ZNF487: variants seen among roughly 807,000 people sequenced by gnomAD.
ZNF487 encodes KRAB domain only 1.
Under a neutral mutation model 3.0 loss-of-function variants are expected in ZNF487, and 4 were observed. That is an observed-to-expected ratio of 1.35 (90% CI 0.66 to 3.08). The LOEUF (loss-of-function observed/expected upper bound fraction) is 3.08. Ranked by LOEUF, ZNF487 falls within the 30% of genes most tolerant of loss-of-function variation. The probability of loss-of-function intolerance (pLI) is 0.01; values close to 1 mark genes in which losing one functional copy is unlikely to be tolerated. For missense variants in ZNF487, 146 were observed against 98.7 expected (o/e 1.48, Z -2.03); for synonymous variants, 55 against 34.6 (o/e 1.59, Z -2.06).
At chr10:43,468,176 C>T (rs186694762) in intron 1 of ZNF487, among the ~76,000 whole-genome samples, 4 of 152,204 alleles carry the variant, frequency 2.6e-5, no homozygotes, top group East Asian at 1.9e-4. Flanking sequence ...GCTTCTTATG[C>T]GTGAGATAAG....
At chr10:43,458,988 A>T (rs1033138044) in intron 1 of ZNF487, among the ~76,000 whole-genome samples, 38 of 152,094 alleles carry the variant, frequency 2.5e-4, no homozygotes, top group Admixed American at 7.2e-4. Flanking sequence ...ATTTTGAACA[A>T]CATGACTTGC....
rs561767124 is a variant in ZNF487, at chr10:43,439,576, G to C, written c.-94+2314G>C. On this transcript the variant is annotated intron_variant, in intron 1 of 3. Transcript: ENST00000437590. ...AAATTAGCTGGGCATGGTGGTGGGC[G>C]CCTGTAATCCCAACTACTCAGGAAG... Among the ~76,000 whole-genome samples, 4 of 151,964 alleles carry C rather than the reference G, an allele frequency of 2.6e-5. No individual in the cohort carries two copies. In the East Asian group the frequency reaches 7.8e-4, roughly 30 times the overall value.
chr10:43,516,531 T>C, the ZNF487 span, among the ~76,000 whole-genome samples: 1 of 152,196 alleles, frequency 6.6e-6, no homozygotes, highest in Admixed American at 6.5e-5. Flanking sequence ...TTAACTCACA[T>C]CATCACGAGG....
At chr10:43,465,234 G>C (rs929785925) in intron 1 of ZNF487, among the ~76,000 whole-genome samples, 2 of 149,646 alleles carry the variant, frequency 1.3e-5, no homozygotes, top group South Asian at 2.1e-4. Flanking sequence ...CTGGCTGGGT[G>C]GGGGGCTGAT....
chr10:43,500,806 G>T, the ZNF487 span, among the ~76,000 whole-genome samples: 22 of 152,132 alleles, frequency 1.4e-4, no homozygotes, highest in Non-Finnish European at 2.5e-4. Flanking sequence ...ACTGGGCCTG[G>T]TCAGCAAGGC....
At chr10:43,442,827 A>T (rs1839666212) in intron 1 of ZNF487, among the ~76,000 whole-genome samples, 1 of 152,208 alleles carries the variant, frequency 6.6e-6, no homozygotes, top group African/African-American at 2.4e-5. Context: ...TGTTAGATTT[A>T]TAGCTAAGTG....
chr10:43,460,939 C>T (rs542672875), intron 1 of ZNF487, among the ~76,000 whole-genome samples: 2 of 152,182 alleles, frequency 1.3e-5, no homozygotes, highest in South Asian at 2.1e-4. Flanking sequence ...TGATCTAACA[C>T]CACCTTGGTC....
chr10:43,491,503 T>C, the ZNF487 span, among the ~76,000 whole-genome samples: 1 of 151,428 alleles, frequency 6.6e-6, no homozygotes, highest in South Asian at 2.1e-4. Context: ...ATTACGGGCT[T>C]CCCTTCTGAG....
At chr10:43,508,006 C>A in the ZNF487 span, among the ~76,000 whole-genome samples, 2 of 152,378 alleles carry the variant, frequency 1.3e-5, no homozygotes, top group East Asian at 1.9e-4. Context: ...CCACCCACCA[C>A]TGGGCCATGG....
chr10:43,501,924 C>T, the ZNF487 span, among the ~76,000 whole-genome samples: 1 of 151,992 alleles, frequency 6.6e-6, no homozygotes, highest in Non-Finnish European at 1.5e-5. Context: ...AAGACTTGTA[C>T]ACTGAAACTA....
At chr10:43,492,611 C>T in the ZNF487 span, among the ~76,000 whole-genome samples, 2 of 152,028 alleles carry the variant, frequency 1.3e-5, no homozygotes, top group Non-Finnish European at 2.9e-5. Flanking sequence ...GCCACCACGC[C>T]CGGCTAATTT....
chr10:43,500,437 C>T, the ZNF487 span, among the ~76,000 whole-genome samples: 2 of 152,034 alleles, frequency 1.3e-5, no homozygotes, highest in African/African-American at 4.8e-5. Flanking sequence ...AAAAAACAAA[C>T]AAAAAACAAC....
intron 1 of ZNF487, chr10:43,453,613 A>T (rs1224772120): frequency 6.6e-6 from 1 of 152,182 alleles, no homozygotes; most frequent in Non-Finnish European, 1.5e-5. Flanking sequence ...AAGCCCACAC[A>T]ACTACAGATG....
chr10:43,456,287 T>G lies in ZNF487; in HGVS notation c.-94+19025T>G, dbSNP rs767468206. On this transcript the variant is annotated intron_variant, in intron 1 of 3. Transcript: ENST00000437590. ...CGAGTTTCTAAAAACAGAGCAGCAC[T>G]TGTAAGGTAGAGGAAGCGTGGCCCA... 2.6e-5 allele frequency among the ~76,000 whole-genome samples: 4 copies of G among 152,156 alleles called. 1 individual carries two copies. Among genetic ancestry groups the G allele is most frequent in the Non-Finnish European group, 5.9e-5 (4 of 68,036 alleles).
the ZNF487 span, among the ~76,000 whole-genome samples, chr10:43,495,720 C>T: frequency 8.0e-4 from 121 of 152,100 alleles, no homozygotes; most frequent in Non-Finnish European, 1.3e-3. Flanking sequence ...ATAATTAACC[C>T]TTTGAGAGCA....
chr10:43,445,292 T>C (rs1839757968), intron 1 of ZNF487, among the ~76,000 whole-genome samples: 1 of 152,154 alleles, frequency 6.6e-6, no homozygotes, highest in Admixed American at 6.6e-5. Flanking sequence ...ACTGGCCCAC[T>C]TTCAGAATTT....
chr10:43,523,533 G>A, the ZNF487 span: 1 of 152,186 alleles, frequency 6.6e-6, no homozygotes, highest in Non-Finnish European at 1.5e-5. Flanking sequence ...CATATGACAT[G>A]AGCATCCTTA....
At chr10:43,509,347 T>A in the ZNF487 span, among the ~76,000 whole-genome samples, 2 of 151,844 alleles carry the variant, frequency 1.3e-5, no homozygotes, top group Non-Finnish European at 2.9e-5. Flanking sequence ...TCAGACCTGA[T>A]ACCCAATATT....
chr10:43,510,922 A>C, the ZNF487 span, among the ~76,000 whole-genome samples: 1 of 152,166 alleles, frequency 6.6e-6, no homozygotes, highest in Non-Finnish European at 1.5e-5. Flanking sequence ...TTCCAGTTTA[A>C]TGGAATTGTT....
Sources: gnomAD v4.1 joint callset for allele counts (sites outside exome capture counted in the v4.1 genomes callset) on GRCh38, gnomAD v4.1.1 for gene constraint, MANE v1.5 for transcripts, NCBI Gene and HGNC (gene_info 2026-07-23, HGNC 2026-07-21) for gene names.